The following NLRC3 variants were observed in gnomAD, a reference collection of about 807,000 sequenced individuals.
NLRC3 encodes the protein NLR family CARD domain-containing protein 3.
Under a neutral mutation model 91.6 loss-of-function variants are expected in NLRC3, and 87 were observed. The observed-to-expected ratio is 0.95, with a 90% CI of 0.80 to 1.14. The LOEUF is 1.14. Ranked by LOEUF, NLRC3 falls within the 50% of genes most tolerant of loss-of-function variation. The pLI, the probability that NLRC3 is intolerant of heterozygous loss-of-function variation, is 0.00. For missense variants in NLRC3, 1,577 were observed against 1,418.6 expected, an observed-to-expected ratio of 1.11 and a Z score of -1.79; for synonymous variants, 694 against 625.3, an observed-to-expected ratio of 1.11 and a Z score of -1.64.
In NLRC3 at chr16:3,548,106, CCCTGCAGCCCCTGG is replaced by C. The variant is rs1422979101; in HGVS notation, c.2771+15_2771+28del. 6.7e-7 allele frequency: 1 copy of C among 1,485,546 alleles called. No homozygotes were observed. Among genetic ancestry groups the C allele is most frequent in the Non-Finnish European group, 9.2e-7 (1 of 1,086,668 alleles). The allele number at this position is 1,485,546 out of a possible 1,614,324, so 92.0% of individuals were successfully genotyped here. ...ATTCCCCTGTCCTCAACAGCCCCCG[CCCTGCAGCCCCTGG>C]GCAGGCCAACTTACTCTAAGCTGGT... On this transcript the variant is annotated intron_variant, in intron 15 of 19. Transcript: ENST00000359128.
chr16:3,570,186 A>T (rs769035832), intron 1 of NLRC3, among the ~76,000 whole-genome samples: 69 of 151,256 alleles, frequency 4.6e-4, no homozygotes, highest in Non-Finnish European at 7.8e-4. Flanking sequence ...TTTGAGACAG[A>T]GTCTCAACTC....
At position 3,563,333 on chromosome 16, in the gene NLRC3, G is replaced by T; in HGVS notation, c.1604C>A (p.Ala535Asp). The T allele has an allele frequency of 5.6e-6, 9 of 1,595,372 alleles. No homozygotes were observed. Among genetic ancestry groups the T allele is most frequent in the Non-Finnish European group, 7.7e-6 (9 of 1,172,158 alleles). Residue 535 changes from alanine to aspartate, a missense_variant, in exon 5 of 20, where the codon GCC (alanine) becomes GAC (aspartate). Coordinates refer to ENST00000359128, the MANE Select transcript of NLRC3 (RefSeq NM_178844.4). The stretch of plus-strand genomic sequence containing the variant: ...CCGGTAGGCCTGGTGCTCGCCTTGG[G>T]CCAGCAGGGAGCCGGCCAGGAGGGC... ...VNALLAGSLLAQGEHQAYRTQ... is the reference protein window; with the variant it reads ...VNALLAGSLLDQGEHQAYRTQ...
intron 3 of NLRC3, 53 bp from the exon 4 acceptor site, chr16:3,565,113 C>A: frequency 7.1e-7 from 1 of 1,417,530 alleles, no homozygotes; most frequent in South Asian, 1.2e-5. Flanking sequence ...ATCCAGCAGC[C>A]TGGGACAGGT....
rs773196225 is a variant in NLRC3, at chr16:3,548,711, G to T, written c.2646C>A (p.Ile882=). ...TGCGGTTTTCTCTCACTGCCACTGC[G>T]ATGGCCCGGGCACCCTGGTCGTGGA... ...NLLHDQGARA[I]AVAVRENRTL... is the part of the protein sequence containing the mutation. The change falls in exon 14 of 20, where the codon ATC becomes ATA. Residue 882 remains isoleucine, a synonymous_variant. Coordinates refer to ENST00000359128, the MANE Select transcript of NLRC3 (RefSeq NM_178844.4). 12 of 1,603,514 alleles carry T rather than the reference G, an allele frequency of 7.5e-6. 1 individual carries two copies. The South Asian group carries it at 1.4e-4, about 18-fold the overall frequency.
At chr16:3,558,582 CCACACACACACA>C (rs3067979) in intron 6 of NLRC3, among the ~76,000 whole-genome samples, 2 of 147,618 alleles carry the variant, frequency 1.4e-5, no homozygotes, top group African/African-American at 2.5e-5. Flanking sequence ...TAAAAAAAAA[CCACACACACACA>C]CACACACACA....
At chr16:3,543,385 C>T in intron 17 of NLRC3, 40 bp downstream of exon 17, 4 of 1,397,394 alleles carry the variant, frequency 2.9e-6, no homozygotes, top group Non-Finnish European at 4.0e-6. Context: ...TCATTGATTT[C>T]TTTGGGCTAA....
rs767874209 is a variant in NLRC3, at chr16:3,543,509, C to T, written c.2856-1G>A. ...AGCACCAATTGAGGCCACCTGGAGA[C>T]TGGGGCGGAGAGGGTGCCGTCAGTG... On this transcript the variant is annotated splice_acceptor_variant, in intron 16 of 19. Transcript: ENST00000359128. LOFTEE classifies it high-confidence loss of function. 1.6e-5 allele frequency: 26 copies of T among 1,611,506 alleles called. 1 individual carries two copies. The South Asian group carries it at 2.9e-4, about 18-fold the overall frequency.
At chr16:3,575,252 A>G (rs35251437) in intron 1 of NLRC3, among the ~76,000 whole-genome samples, 59 of 152,144 alleles carry the variant, frequency 3.9e-4, no homozygotes, top group Non-Finnish European at 5.4e-4. Context: ...ACCAGCCCCA[A>G]AGGCTGATGG....
rs1016683654 is a variant in NLRC3, at chr16:3,540,714, A to C, written c.*1111T>G. 6.6e-6 allele frequency: 1 copy of C among 152,196 alleles called. No homozygotes were observed. Among genetic ancestry groups the C allele is most frequent in the Non-Finnish European group, 1.5e-5 (1 of 68,064 alleles). 9.4% of individuals were successfully genotyped at this position (152,196 alleles called of 1,614,324 possible). On this transcript the variant is annotated 3_prime_UTR_variant, in exon 20 of 20. Coordinates refer to ENST00000359128, the MANE Select transcript of NLRC3 (RefSeq NM_178844.4). ...ACTACTTGGGAGGCCGAGGCAGGAG[A>C]ATCACTGGAACCCATGAGGTAGAGC...
chr16:3,546,885 G>T (rs1284844292), intron 15 of NLRC3, among the ~76,000 whole-genome samples: 1 of 152,110 alleles, frequency 6.6e-6, no homozygotes, highest in Non-Finnish European at 1.5e-5. Flanking sequence ...GATCCCTGAG[G>T]AGCCCTGCGC....
Position 3,564,778 on chromosome 16 carries a change from G to T in NLRC3, c.179-20C>A, listed in dbSNP as rs2039800697. On this transcript the variant is annotated intron_variant, in intron 4 of 19. Coordinates refer to ENST00000359128, the MANE Select transcript of NLRC3 (RefSeq NM_178844.4). This position sits in a 1 kb window ranked among gnomAD's most constrained non-coding sequence, Gnocchi z 5.9. Reference sequence around the variant, plus strand: ...TTGAGTCTGCGGGACAGAGGCCAGTGGGGAGGTCTGGTAAGGGAAGAGTGG... The same window carrying T: ...TTGAGTCTGCGGGACAGAGGCCAGTTGGGAGGTCTGGTAAGGGAAGAGTGG... 1.9e-6 allele frequency: 3 copies of T among 1,566,674 alleles called. No homozygotes were observed. The highest frequency in any genetic ancestry group is 2.6e-6 in the Non-Finnish European group (3 of 1,159,816).
intron 2 of NLRC3, among the ~76,000 whole-genome samples, chr16:3,566,229 T>A (rs554877389): frequency 1.9e-4 from 28 of 151,162 alleles, no homozygotes; most frequent in African/African-American, 6.6e-4. Context: ...GGGACGGTGA[T>A]AGTGACAGAG....
intron 1 of NLRC3, among the ~76,000 whole-genome samples, chr16:3,572,980 C>G (rs1479800169): frequency 7.5e-6 from 1 of 134,022 alleles, no homozygotes; most frequent in Non-Finnish European, 1.5e-5. Flanking sequence ...CCACTGCACT[C>G]TAGCCTGGGC....
chr16:3,563,722 G>C lies in NLRC3; in HGVS notation c.1215C>G (p.Phe405Leu). The change falls in exon 5 of 20, where the codon TTC (phenylalanine) becomes TTG (leucine). Residue 405 changes from phenylalanine (F) to leucine (L), a missense_variant. Phe to Leu is a conservative substitution (Grantham distance 22, BLOSUM62 0). Transcript: ENST00000359128. Reference protein sequence around the residue: ...KMVGTLGRLAFHGLLKKKYVF... With the variant: ...KMVGTLGRLALHGLLKKKYVF... ...CGTATTTCTTCTTGAGCAGCCCATG[G>C]AAGGCCAGACGGCCCAATGTCCCCA... The C allele has an allele frequency of 6.2e-7, 1 of 1,613,534 alleles. No individual in the cohort carries two copies. Among genetic ancestry groups the C allele is most frequent in the Non-Finnish European group, 8.5e-7 (1 of 1,179,802 alleles).
At chr16:3,548,819 C>T in intron 13 of NLRC3, 66 bp from the exon 14 acceptor site, 8 of 1,080,400 alleles carry the variant, frequency 7.4e-6, no homozygotes, top group East Asian at 5.1e-5. Flanking sequence ...TCCTTGGTCA[C>T]CAGGGATTCC....
intron 1 of NLRC3, among the ~76,000 whole-genome samples, chr16:3,570,448 A>C (rs2040060078): frequency 6.6e-6 from 1 of 152,160 alleles, no homozygotes; most frequent in Non-Finnish European, 1.5e-5. Flanking sequence ...CAAGTCCTTG[A>C]CCTGCGGTTT....
At chr16:3,554,388 T>C in intron 8 of NLRC3, 63 bp from the exon 9 acceptor site, 1 of 1,292,668 alleles carries the variant, frequency 7.7e-7, no homozygotes, top group Non-Finnish European at 1.1e-6. Flanking sequence ...GGGTCTGAAC[T>C]CTCTCTGCAG....
chr16:3,558,610 C>G (rs944672010), intron 6 of NLRC3, among the ~76,000 whole-genome samples: 3 of 148,236 alleles, frequency 2.0e-5, no homozygotes, highest in Admixed American at 1.4e-4. Context: ...ACACACACAT[C>G]TTGATTTGCC....
At chr16:3,561,926 C>A (rs2039633911) in intron 5 of NLRC3, 138 bp from the exon 6 acceptor site, 1 of 647,034 alleles carries the variant, frequency 1.5e-6, no homozygotes, top group East Asian at 2.7e-5. Flanking sequence ...AGCCCCAGTG[C>A]TCAGACCTTT....
Sources: gnomAD v4.1 joint callset for allele counts (sites outside exome capture counted in the v4.1 genomes callset) on GRCh38, gnomAD v4.1.1 for gene constraint, Gnocchi (gnomAD v3.1) non-coding constraint, MANE v1.5 for transcripts, NCBI Gene and HGNC (gene_info 2026-07-23, HGNC 2026-07-21) for gene names.